Variants in PTPRA observed in about 807,000 individuals in gnomAD.
PTPRA encodes the protein protein tyrosine phosphatase receptor type A.
Under a neutral mutation model 104.8 loss-of-function variants are expected in PTPRA, and 25 were observed. The observed-to-expected ratio is 0.24, with a 90% CI of 0.17 to 0.33. The LOEUF (loss-of-function observed/expected upper bound fraction) is 0.33. Ranked by LOEUF, PTPRA falls within the 10% of genes least tolerant of loss-of-function variation. The pLI, the probability that PTPRA is intolerant of heterozygous loss-of-function variation, is 1.00. For missense variants in PTPRA, 765 were observed against 1,015.3 expected (o/e 0.75, Z 3.35); for synonymous variants, 323 against 368.9 (o/e 0.88, Z 1.43).
At chr20:2,913,642 T>C (rs1178080637) in intron 1 of PTPRA, among the ~76,000 whole-genome samples, 1 of 144,060 alleles carries the variant, frequency 6.9e-6, no homozygotes, top group Non-Finnish European at 1.5e-5. Flanking sequence ...TTTATCAGAA[T>C]TGCCACATAA....
At chr20:2,876,284 A>G (rs2089713343) in intron 1 of PTPRA, among the ~76,000 whole-genome samples, 1 of 152,188 alleles carries the variant, frequency 6.6e-6, no homozygotes, top group Admixed American at 6.5e-5. Flanking sequence ...GCAATACAAA[A>G]GAGTATATAG....
chr20:2,868,514 A>G (rs1372968903), upstream of PTPRA, among the ~76,000 whole-genome samples: 6 of 146,936 alleles, frequency 4.1e-5, no homozygotes, highest in Non-Finnish European at 7.5e-5. Flanking sequence ...TACTGTGGCT[A>G]GGTTTTGGAA....
chr20:3,007,615 G>A (rs776680595), intron 11 of PTPRA, among the ~76,000 whole-genome samples, 195 bp downstream of exon 11: 4 of 151,960 alleles, frequency 2.6e-5, no homozygotes, highest in Admixed American at 2.0e-4. Context: ...TTACCCTGTC[G>A]TCATTCCCTA....
intron 2 of PTPRA, among the ~76,000 whole-genome samples, chr20:2,939,105 A>T (rs576557295): frequency 6.6e-6 from 1 of 152,230 alleles, no homozygotes; most frequent in African/African-American, 2.4e-5. Flanking sequence ...TTTTACTCTT[A>T]TGGTCTGTGC....
chr20:2,929,976 C>T (rs904197426), intron 2 of PTPRA, among the ~76,000 whole-genome samples: 3 of 152,154 alleles, frequency 2.0e-5, no homozygotes, highest in Non-Finnish European at 2.9e-5. Flanking sequence ...GGTGAGGATA[C>T]AGTAAGATGG....
intron 3 of PTPRA, among the ~76,000 whole-genome samples, chr20:2,951,294 G>A (rs189781370): frequency 6.6e-6 from 1 of 152,166 alleles, no homozygotes; most frequent in Admixed American, 6.5e-5. Flanking sequence ...TAGAGACGGG[G>A]TTTCACCATG....
the PTPRA span, chr20:2,866,343 T>C: frequency 1.9e-6 from 3 of 1,614,022 alleles, no homozygotes. Flanking sequence ...CTGTGGGTGC[T>C]GGGTGGCTGA....
intron 1 of PTPRA, among the ~76,000 whole-genome samples, chr20:2,878,442 T>C (rs2089866328): frequency 6.6e-6 from 1 of 152,216 alleles, no homozygotes; most frequent in African/African-American, 2.4e-5. Flanking sequence ...ACTCCTGGAC[T>C]CAAGTGATCC....
chr20:2,915,148 A>G (rs775911545), intron 1 of PTPRA, among the ~76,000 whole-genome samples: 11 of 151,908 alleles, frequency 7.2e-5, no homozygotes, highest in Admixed American at 1.3e-4. Flanking sequence ...CTATTCACAT[A>G]GGCCATCATA....
rs968605642 is a variant in PTPRA, at chr20:2,873,536, G to C, written c.-353G>C. The C allele has an allele frequency of 9.2e-5, 14 of 151,636 alleles. No homozygotes were observed. The highest frequency in any genetic ancestry group is 2.7e-4 in the African/African-American group (11 of 41,394). The allele number at this position is 151,636 out of a possible 1,614,324, so 9.4% of individuals were successfully genotyped here. ...CGCTGACAGAGACGCGCGCGCGCGC[G>C]ATCGCGCTCGGACCCCGGCCGCTGC... On this transcript the variant is annotated 5_prime_UTR_variant, in exon 1 of 24. Coordinates refer to ENST00000399903, the MANE Select transcript of PTPRA (RefSeq NM_001385305.1). The surrounding 1 kb of genome is among the most constrained non-coding windows in gnomAD (Gnocchi z 4.4).
chr20:2,965,256 T>G (rs1303523879), intron 5 of PTPRA, 54 bp downstream of exon 5: 6 of 1,463,412 alleles, frequency 4.1e-6, no homozygotes, highest in Non-Finnish European at 5.5e-6. Flanking sequence ...GTCTTCCTTT[T>G]ATTATCTTGT....
Position 3,021,180 on chromosome 20 carries a change from TAGAG to T in PTPRA, c.1042-127_1042-124del, listed in dbSNP as rs2064849979. 103 of 1,271,320 alleles carry T rather than the reference TAGAG, an allele frequency of 8.1e-5. 2 individuals carry two copies. In the South Asian group the frequency reaches 1.4e-3, roughly 17 times the overall value. The allele number at this position is 1,271,320 out of a possible 1,614,324, so 78.8% of individuals were successfully genotyped here. A position where few individuals can be genotyped will look rare whatever the true frequency, so the allele number is the denominator to read the frequency against. The stretch of plus-strand genomic sequence containing the variant: ...TAAGTAAGTGTGCAACTGACTGAGA[TAGAG>T]AAGAGGTCAAAGGGCCTTCTGGGGG... On this transcript the variant is annotated intron_variant, in intron 13 of 23. Transcript: ENST00000399903.
chr20:2,907,784 G>A (rs1054962072), intron 1 of PTPRA, among the ~76,000 whole-genome samples: 6 of 151,488 alleles, frequency 4.0e-5, no homozygotes, highest in Non-Finnish European at 5.9e-5. Flanking sequence ...CAAAAGAGAT[G>A]GAAATCTACT....
intron 3 of PTPRA, among the ~76,000 whole-genome samples, chr20:2,956,996 G>C (rs966313861): frequency 6.6e-6 from 1 of 152,154 alleles, no homozygotes; most frequent in African/African-American, 2.4e-5. Context: ...ATTAAAAAAT[G>C]GTATCTCAGC....
At chr20:2,940,327 T>C (rs997880404) in intron 2 of PTPRA, among the ~76,000 whole-genome samples, 29 of 152,000 alleles carry the variant, frequency 1.9e-4, no homozygotes, top group Admixed American at 6.6e-4. Flanking sequence ...CTTTTCTTTT[T>C]TTTTTTTTTA....
chr20:2,984,000 G>C (rs2062798954), intron 6 of PTPRA, among the ~76,000 whole-genome samples: 1 of 151,788 alleles, frequency 6.6e-6, no homozygotes, highest in Non-Finnish European at 1.5e-5. Context: ...CAGATAGTGA[G>C]GGAAACTGAG....
At chr20:2,919,374 G>C (rs1455697486) in intron 1 of PTPRA, among the ~76,000 whole-genome samples, 1 of 152,126 alleles carries the variant, frequency 6.6e-6, no homozygotes, top group Non-Finnish European at 1.5e-5. Context: ...GGATGCCTTA[G>C]AATAAAGAAA....
intron 1 of PTPRA, among the ~76,000 whole-genome samples, chr20:2,910,583 TTTTTTGTTTTTTTTTTG>T (rs2059673701): frequency 2.0e-5 from 2 of 98,312 alleles, no homozygotes; most frequent in African/African-American, 1.2e-4. Context: ...AGCTAGTTTT[TTTTTTGTTTTTTTTTTG>T]TTTTTTTTAA....
At chr20:2,906,859 C>T (rs1174323812) in intron 1 of PTPRA, among the ~76,000 whole-genome samples, 1 of 152,090 alleles carries the variant, frequency 6.6e-6, no homozygotes, top group African/African-American at 2.4e-5. Flanking sequence ...ATAACATTTA[C>T]CTTTTAGTAT....
Sources: allele counts gnomAD v4.1 joint callset (sites outside exome capture counted in the v4.1 genomes callset), GRCh38; gene constraint gnomAD v4.1.1; non-coding constraint Gnocchi (gnomAD v3.1); transcripts MANE v1.5; gene names NCBI Gene and HGNC (gene_info 2026-07-23, HGNC 2026-07-21).